Variants in CYTH1 observed in about 807,000 individuals in gnomAD.
CYTH1 encodes cytohesin 1.
In CYTH1, 18 loss-of-function variants were observed where a neutral mutation model predicts 61.8. The observed-to-expected ratio is 0.29, with a 90% confidence interval of 0.20 to 0.43. The LOEUF is 0.43. CYTH1 is among the 20% of genes least tolerant of loss of function. The probability of loss-of-function intolerance (pLI) is 1.00; values close to 1 mark genes in which losing one functional copy is unlikely to be tolerated. For missense variants in CYTH1, 336 were observed against 510.5 expected (o/e 0.66, Z 3.29); for synonymous variants, 174 against 184.3 (o/e 0.94, Z 0.45).
chr17:78,750,767 G>A (rs1469481454), intron 1 of CYTH1, among the ~76,000 whole-genome samples: 10 of 150,146 alleles, frequency 6.7e-5, no homozygotes, highest in African/African-American at 2.2e-4. Context: ...ACACCAATGC[G>A]CTCCAGACTG....
intron 1 of CYTH1, among the ~76,000 whole-genome samples, chr17:78,718,268 CG>C: frequency 6.7e-6 from 1 of 148,828 alleles, no homozygotes; most frequent in Non-Finnish European, 1.5e-5. Context: ...CACACACACA[CG>C]CTCCTTCTCT....
chr17:78,680,884 A>G, intron 12 of CYTH1, 87 bp downstream of exon 12: 1 of 1,309,752 alleles, frequency 7.6e-7, no homozygotes, highest in Non-Finnish European at 1.1e-6. Context: ...CACGCTTTTC[A>G]GTTTTTTGGT....
intron 13 of CYTH1, chr17:78,678,391 G>C (rs972194491): frequency 6.6e-6 from 1 of 152,330 alleles, no homozygotes; most frequent in Admixed American, 6.5e-5. Flanking sequence ...AGCAACAGGT[G>C]CATGAAGCGT....
At chr17:78,726,395 C>T (rs2093266999) in intron 1 of CYTH1, among the ~76,000 whole-genome samples, 1 of 149,408 alleles carries the variant, frequency 6.7e-6, no homozygotes, top group Non-Finnish European at 1.5e-5. Flanking sequence ...CTGTCAGTTA[C>T]TGTGGAAGAG....
At position 78,702,620 on chromosome 17, in the gene CYTH1, C is replaced by T. The variant is rs1232432517; in HGVS notation, c.171-16G>A. The T allele has an allele frequency of 1.2e-6, 2 of 1,613,814 alleles. No individual in the cohort carries two copies. Among genetic ancestry groups the T allele is most frequent in the African/African-American group, 2.7e-5 (2 of 74,924 alleles). The stretch of plus-strand genomic sequence containing the variant: ...CATGTTTTTCCTGTAAAACAACCAT[C>T]ACAGCCATTTTAGTACTTCAGGCCA... On this transcript the variant is annotated splice_polypyrimidine_tract_variant and intron_variant, in intron 3 of 13. Coordinates refer to ENST00000446868, the MANE Select transcript of CYTH1 (RefSeq NM_004762.6).
At chr17:78,730,495 C>A (rs2093287752) in intron 1 of CYTH1, among the ~76,000 whole-genome samples, 1 of 149,654 alleles carries the variant, frequency 6.7e-6, no homozygotes. Flanking sequence ...GCCGAGATCA[C>A]GCCACTGCAC....
At chr17:78,737,436 G>A (rs1467468019) in intron 1 of CYTH1, among the ~76,000 whole-genome samples, 1 of 151,786 alleles carries the variant, frequency 6.6e-6, no homozygotes, top group Non-Finnish European at 1.5e-5. Flanking sequence ...CATGGATGGG[G>A]AGCCCATGGA....
rs751494741 is a variant in CYTH1, at chr17:78,760,384, T to TATATATATATATAC, written c.22+21817_22+21818insGTATATATATATAT. Among the ~76,000 whole-genome samples, 107 of 51,380 alleles carry TATATATATATATAC rather than the reference T, an allele frequency of 2.1e-3. 4 individuals carry two copies. The highest frequency in any genetic ancestry group is 4.1e-3 in the African/African-American group (52 of 12,598). The allele number at this position is 51,380 out of a possible 152,430, so 33.7% of individuals were successfully genotyped here. On this transcript the variant is annotated intron_variant, in intron 1 of 13. Coordinates refer to ENST00000446868, the MANE Select transcript of CYTH1 (RefSeq NM_004762.6). ...ATATATATATATATATATATATATA[T>TATATATATATATAC]ACACACACATACATATATATATGTG...
intron 1 of CYTH1, among the ~76,000 whole-genome samples, chr17:78,739,499 G>A (rs2093333822): frequency 6.6e-6 from 1 of 152,226 alleles, no homozygotes; most frequent in African/African-American, 2.4e-5. Flanking sequence ...ACTGTGGCTG[G>A]AGCAGGAAGA....
At chr17:78,724,683 C>T (rs1420318604) in intron 1 of CYTH1, among the ~76,000 whole-genome samples, 2 of 152,180 alleles carry the variant, frequency 1.3e-5, no homozygotes, top group African/African-American at 4.8e-5. Context: ...GGGTGGAAAT[C>T]CTAAAAACAC....
chr17:78,705,976 C>G (rs2093061222), intron 3 of CYTH1, among the ~76,000 whole-genome samples: 1 of 152,052 alleles, frequency 6.6e-6, no homozygotes. Flanking sequence ...CCGGAATATA[C>G]AGAAAGGAAA....
intron 1 of CYTH1, among the ~76,000 whole-genome samples, chr17:78,736,361 T>C (rs565603941): frequency 6.6e-6 from 1 of 152,144 alleles, no homozygotes; most frequent in East Asian, 1.9e-4. Context: ...AGAACTTCTT[T>C]GGTTTAAAAA....
At chr17:78,686,928 T>C (rs1382139711) in intron 11 of CYTH1, among the ~76,000 whole-genome samples, 2 of 152,050 alleles carry the variant, frequency 1.3e-5, no homozygotes, top group Non-Finnish European at 2.9e-5. Flanking sequence ...ATTACAGGCA[T>C]GTGCCACCAC....
intron 1 of CYTH1, among the ~76,000 whole-genome samples, chr17:78,728,319 G>A (rs2144580486): frequency 6.6e-6 from 1 of 152,298 alleles, no homozygotes; most frequent in South Asian, 2.1e-4. Flanking sequence ...GCCGAGGTGG[G>A]TGGATCACTT....
chr17:78,748,557 A>G (rs768654876), intron 1 of CYTH1, among the ~76,000 whole-genome samples: 5 of 152,230 alleles, frequency 3.3e-5, no homozygotes, highest in Non-Finnish European at 7.3e-5. Context: ...AGAATACAGG[A>G]GAATTGTCTG....
intron 1 of CYTH1, among the ~76,000 whole-genome samples, chr17:78,756,336 G>A (rs1373004126): frequency 6.6e-6 from 1 of 151,946 alleles, no homozygotes; most frequent in African/African-American, 2.4e-5. Flanking sequence ...TCGGCCTCTC[G>A]AAGTGCTGGG....
At chr17:78,780,425 A>AG (rs1289033978) in intron 1 of CYTH1, among the ~76,000 whole-genome samples, 1 of 152,210 alleles carries the variant, frequency 6.6e-6, no homozygotes, top group Non-Finnish European at 1.5e-5. Flanking sequence ...GAGAGGTGAG[A>AG]GGATTGCTTG....
chr17:78,687,154 C>T (rs1287647501), intron 11 of CYTH1, among the ~76,000 whole-genome samples: 4 of 152,014 alleles, frequency 2.6e-5, no homozygotes, highest in Non-Finnish European at 4.4e-5. Flanking sequence ...TTATACAACT[C>T]ACCATGATGT....
chr17:78,781,796 G>A (rs1304111158), intron 1 of CYTH1, among the ~76,000 whole-genome samples: 1 of 151,756 alleles, frequency 6.6e-6, no homozygotes, highest in African/African-American at 2.4e-5. Context: ...CCCGGGACCC[G>A]GACTGCGACC....
Sources: gnomAD v4.1 joint callset for allele counts (sites outside exome capture counted in the v4.1 genomes callset) on GRCh38, gnomAD v4.1.1 for gene constraint, MANE v1.5 for transcripts, NCBI Gene and HGNC (gene_info 2026-07-23, HGNC 2026-07-21) for gene names.